Variants in RANBP2 observed in about 807,000 individuals in gnomAD.
The protein encoded by RANBP2 is E3 SUMO-protein ligase RanBP2.
Under a neutral mutation model 303.6 loss-of-function variants are expected in RANBP2, and 57 were observed. The ratio of observed to expected loss-of-function variants is 0.19; its 90% CI spans 0.15 to 0.23. The LOEUF (loss-of-function observed/expected upper bound fraction) is 0.23. Among genes scored for constraint, RANBP2 ranks in the 10% least tolerant of loss-of-function variants. The probability of loss-of-function intolerance (pLI) is 1.00; values close to 1 mark genes in which losing one functional copy is unlikely to be tolerated. For missense variants in RANBP2, 3,138 were observed against 3,780.8 expected, an observed-to-expected ratio of 0.83 and a Z score of 4.46; for synonymous variants, 1,167 against 1,301.5, an observed-to-expected ratio of 0.90 and a Z score of 2.23.
At chr2:109,276,477 G>A in the RANBP2 span, among the ~76,000 whole-genome samples, 1 of 152,178 alleles carries the variant, frequency 6.6e-6, no homozygotes, top group Non-Finnish European at 1.5e-5. Flanking sequence ...CTTTAGCCCA[G>A]GTGTCGCTGC....
the RANBP2 span, chr2:109,544,164 C>G: frequency 6.4e-7 from 1 of 1,570,476 alleles, no homozygotes; most frequent in Non-Finnish European, 8.6e-7. Context: ...CTTGAAAGTA[C>G]TTTTCCATAA....
At chr2:109,466,575 T>TA in the RANBP2 span, among the ~76,000 whole-genome samples, 1 of 152,372 alleles carries the variant, frequency 6.6e-6, no homozygotes, top group East Asian at 1.9e-4. Flanking sequence ...CACAAGTTGT[T>TA]AATTTTCATG....
the RANBP2 span, among the ~76,000 whole-genome samples, chr2:109,513,360 A>T: frequency 1.3e-5 from 2 of 151,344 alleles, no homozygotes; most frequent in Non-Finnish European, 2.9e-5. Context: ...GCATGCACAC[A>T]CCTCCCGTAT....
the RANBP2 span, among the ~76,000 whole-genome samples, chr2:109,079,668 A>G: frequency 6.6e-6 from 1 of 152,246 alleles, no homozygotes; most frequent in Non-Finnish European, 1.5e-5. Flanking sequence ...CCAGTGCTAA[A>G]CGCTGGAATA....
the RANBP2 span, among the ~76,000 whole-genome samples, chr2:109,059,139 G>T: frequency 6.6e-6 from 1 of 152,146 alleles, no homozygotes; most frequent in Non-Finnish European, 1.5e-5. Context: ...TCCACAGCTT[G>T]GACCTGCTGG....
the RANBP2 span, among the ~76,000 whole-genome samples, chr2:109,199,814 G>C: frequency 1.6e-5 from 1 of 61,978 alleles, no homozygotes; most frequent in Non-Finnish European, 4.0e-5. Flanking sequence ...GAATGGAATG[G>C]AATGGAATGG....
At chr2:109,509,860 C>T in the RANBP2 span, among the ~76,000 whole-genome samples, 4 of 152,106 alleles carry the variant, frequency 2.6e-5, no homozygotes, top group Non-Finnish European at 4.4e-5. Flanking sequence ...TGTGCCTGTG[C>T]TCATGGAGAC....
At chr2:109,199,587 T>TTAACCC in the RANBP2 span, among the ~76,000 whole-genome samples, 1 of 976 alleles carries the variant, frequency 1.0e-3, no homozygotes, top group Non-Finnish European at 2.3e-3. Context: ...TGGAATGGAA[T>TTAACCC]GGAATGGAAT....
chr2:109,471,378 G>T, the RANBP2 span, among the ~76,000 whole-genome samples: 2 of 152,172 alleles, frequency 1.3e-5, no homozygotes, highest in Non-Finnish European at 2.9e-5. Context: ...GCAGGAGAGA[G>T]AAGAGAAAGT....
chr2:109,253,906 A>T, the RANBP2 span, among the ~76,000 whole-genome samples: 1 of 152,088 alleles, frequency 6.6e-6, no homozygotes, highest in Non-Finnish European at 1.5e-5. Flanking sequence ...TCTTCTTTCT[A>T]AAAGCATGGA....
At chr2:109,152,810 C>T in the RANBP2 span, among the ~76,000 whole-genome samples, 3 of 152,268 alleles carry the variant, frequency 2.0e-5, no homozygotes, top group East Asian at 5.8e-4. Context: ...TGCCTATCAC[C>T]GTCTCTCACA....
the RANBP2 span, among the ~76,000 whole-genome samples, chr2:109,110,315 T>C: frequency 6.6e-6 from 1 of 152,190 alleles, no homozygotes; most frequent in East Asian, 1.9e-4. Flanking sequence ...GTTAGGATGC[T>C]GGAAATTACC....
At chr2:109,419,686 C>T in the RANBP2 span, 9 of 1,530,088 alleles carry the variant, frequency 5.9e-6, no homozygotes, top group South Asian at 9.6e-5. Flanking sequence ...GCCTGCAGCC[C>T]TCCCTCCTGC....
chr2:109,545,342 A>T, the RANBP2 span: 1 of 1,496,840 alleles, frequency 6.7e-7, no homozygotes, highest in Non-Finnish European at 8.9e-7. Flanking sequence ...AAGGAAAAAT[A>T]AACTTATTTT....
At chr2:109,247,387 C>T in the RANBP2 span, among the ~76,000 whole-genome samples, 1 of 152,362 alleles carries the variant, frequency 6.6e-6, no homozygotes, top group Admixed American at 6.5e-5. Flanking sequence ...AGTAACCTAG[C>T]ACACTTGTGT....
chr2:109,606,145 C>T, the RANBP2 span, among the ~76,000 whole-genome samples: 1 of 152,146 alleles, frequency 6.6e-6, no homozygotes, highest in Non-Finnish European at 1.5e-5. Context: ...GGCCGGGTGC[C>T]GTGGCTCATG....
the RANBP2 span, chr2:108,815,821 A>T: frequency 1.2e-6 from 1 of 829,016 alleles, no homozygotes; most frequent in Non-Finnish European, 1.9e-6. Context: ...CTCTGTCCTT[A>T]ACACATTTTA....
chr2:109,534,586 C>G, the RANBP2 span, among the ~76,000 whole-genome samples: 1 of 152,092 alleles, frequency 6.6e-6, no homozygotes, highest in African/African-American at 2.4e-5. Flanking sequence ...TCGAGACCAG[C>G]CTGGCCAACA....
the RANBP2 span, among the ~76,000 whole-genome samples, chr2:109,086,035 T>G: frequency 6.6e-6 from 1 of 152,276 alleles, no homozygotes; most frequent in African/African-American, 2.4e-5. Flanking sequence ...ATATTTGTCC[T>G]TTGGTGATGG....
Sources: gnomAD v4.1 joint callset for allele counts (sites outside exome capture counted in the v4.1 genomes callset) on GRCh38, gnomAD v4.1.1 for gene constraint, MANE v1.5 for transcripts, NCBI Gene and HGNC (gene_info 2026-07-23, HGNC 2026-07-21) for gene names.